The following RAD17 variants were observed in gnomAD, a reference collection of about 807,000 sequenced individuals.
RAD17 encodes RAD17 checkpoint clamp loader component.
A neutral mutation model predicts 81.5 loss-of-function variants in RAD17; 31 were observed. The ratio of observed to expected loss-of-function variants is 0.38; its 90% confidence interval spans 0.29 to 0.51. RAD17 has a LOEUF of 0.51. Ranked by LOEUF, RAD17 falls within the 20% of genes least tolerant of loss-of-function variation. RAD17 has a pLI of 0.88. For synonymous variants in RAD17, 261 were observed against 266.2 expected (o/e 0.98, Z 0.19); for missense variants, 681 against 781.2 (o/e 0.87, Z 1.53).
In RAD17 at chr5:69,413,782, G is replaced by T. The variant is rs187466830; in HGVS notation, c.1752-249G>T. On this transcript the variant is annotated intron_variant, in intron 18 of 18. Coordinates refer to ENST00000354868, the MANE Select transcript of RAD17 (RefSeq NM_133338.3). ...ACTCCTGGCCTCAAGTGATCTGCCT[G>T]CCTTGGCCTCCCACAGTGCAGATAG... Among the ~76,000 whole-genome samples, 4 of 152,338 alleles carry T rather than the reference G, an allele frequency of 2.6e-5. No individual in the cohort carries two copies. The South Asian group carries it at 8.3e-4, about 32-fold the overall frequency.
chr5:69,397,744 C>T (rs1171830104), intron 16 of RAD17, among the ~76,000 whole-genome samples: 4 of 152,198 alleles, frequency 2.6e-5, no homozygotes, highest in South Asian at 2.1e-4. Context: ...GACGGAGCCT[C>T]GCTGGCCAGG....
At chr5:69,396,327 T>G in intron 15 of RAD17, 70 bp from the exon 16 acceptor site, 1 of 1,492,716 alleles carries the variant, frequency 6.7e-7, no homozygotes, top group Non-Finnish European at 9.1e-7. Flanking sequence ...AGTATTTTTG[T>G]ATATATCAGG....
In RAD17 at chr5:69,410,529, C is replaced by T. The variant is rs1250929137; in HGVS notation, c.1730C>T (p.Pro577Leu). ...TTTATCCAAGATATTGGAAGGCTCC[C>T]TCTGAAGCGACACTTTGGAAGGTAA... ...ISFIQDIGRL[P>L]LKRHFGRLKM... Residue 577 changes from proline (P) to leucine (L), a missense_variant, in exon 18 of 19, where the codon CCT (proline) becomes CTT (leucine). Pro to Leu is a moderately conservative substitution (Grantham distance 98). Coordinates refer to ENST00000354868, the MANE Select transcript of RAD17 (RefSeq NM_133338.3). 6.2e-7 allele frequency: 1 copy of T among 1,613,352 alleles called. No homozygotes were observed. Among genetic ancestry groups the T allele is most frequent in the South Asian group, 1.1e-5 (1 of 91,012 alleles).
intron 18 of RAD17, 34 bp downstream of exon 18, chr5:69,410,584 TAATGA>T: frequency 1.3e-6 from 2 of 1,580,706 alleles, no homozygotes; most frequent in East Asian, 2.2e-5. Flanking sequence ...AAAAAGCTGA[TAATGA>T]AATGTCTACT....
At position 69,393,515 on chromosome 5, in the gene RAD17, C is replaced by G; in HGVS notation, c.1422+15C>G. The G allele has an allele frequency of 6.3e-7, 1 of 1,582,158 alleles. No homozygotes were observed. The highest frequency in any genetic ancestry group is 8.6e-7 in the Non-Finnish European group (1 of 1,169,142). On this transcript the variant is annotated intron_variant, in intron 15 of 18. Transcript: ENST00000354868. ...GTGACTGGAATGTAAGACCATTTGACTTAAAATGTTTATGTTTATAGTATT... is the reference window on the plus strand; with the variant it reads ...GTGACTGGAATGTAAGACCATTTGAGTTAAAATGTTTATGTTTATAGTATT...
At chr5:69,373,712 T>TAGTTTTAAAGGTTATAAATA in intron 4 of RAD17, 118 bp from the exon 5 acceptor site, 4 of 373,564 alleles carry the variant, frequency 1.1e-5, no homozygotes, top group Middle Eastern at 9.5e-4. Context: ...TTTTTTTTTT[T>TAGTTTTAAAGGTTATAAATA]TTTTAAGTTT....
intron 7 of RAD17, among the ~76,000 whole-genome samples, chr5:69,382,830 C>T (rs1763939417): frequency 6.6e-6 from 1 of 152,026 alleles, no homozygotes. Context: ...TTTTTTGAGA[C>T]AGAGTCTCAC....
intron 4 of RAD17, 54 bp downstream of exon 4, chr5:69,372,271 A>G (rs1580347652): frequency 4.4e-6 from 6 of 1,371,904 alleles, no homozygotes; most frequent in Admixed American, 1.7e-5. Flanking sequence ...TCCACTGCCG[A>G]TAATATTCCT....
intron 1 of RAD17, chr5:69,370,337 G>A (rs1580340293): frequency 6.6e-6 from 1 of 152,482 alleles, no homozygotes; most frequent in South Asian, 2.1e-4. Flanking sequence ...CGTGACAACA[G>A]TCTGCACCTT....
At chr5:69,409,557 A>G (rs1021231406) in intron 17 of RAD17, among the ~76,000 whole-genome samples, 3 of 152,246 alleles carry the variant, frequency 2.0e-5, no homozygotes, top group Admixed American at 1.3e-4. Flanking sequence ...AGAGACTTCA[A>G]ATGATTGATT....
chr5:69,395,141 A>C (rs1397605140), intron 15 of RAD17, among the ~76,000 whole-genome samples: 1 of 152,256 alleles, frequency 6.6e-6, no homozygotes, highest in Non-Finnish European at 1.5e-5. Context: ...ATTACTCAGC[A>C]GTTGAATTTG....
chr5:69,408,120 G>A (rs760457761), intron 17 of RAD17, among the ~76,000 whole-genome samples: 4 of 152,018 alleles, frequency 2.6e-5, no homozygotes, highest in Non-Finnish European at 4.4e-5. Flanking sequence ...GTGAGCCCTC[G>A]CAAAGGCAGT....
At chr5:69,393,908 G>GTTTTTTTTTTTTT (rs34500104) in intron 15 of RAD17, among the ~76,000 whole-genome samples, 2 of 73,104 alleles carry the variant, frequency 2.7e-5, no homozygotes, top group Admixed American at 2.0e-4. Context: ...TGTTATGGTG[G>GTTTTTTTTTTTTT]TTTTTTTTTT....
chr5:69,396,302 A>C, intron 15 of RAD17, 95 bp from the exon 16 acceptor site: 1 of 1,339,596 alleles, frequency 7.5e-7, no homozygotes, highest in Admixed American at 2.3e-5. Flanking sequence ...GAACACATAG[A>C]AACTAAATAC....
intron 16 of RAD17, among the ~76,000 whole-genome samples, chr5:69,398,344 A>G (rs6450038): frequency 0.48 from 73,069 of 151,520 alleles, 17,651 homozygotes; most frequent in South Asian, 0.54. Context: ...TTGCCTCTAT[A>G]TGGACAAGGT....
chr5:69,384,939 G>T lies in RAD17; in HGVS notation c.645+6G>T. 1 of 1,565,052 alleles carries T rather than the reference G, an allele frequency of 6.4e-7. No individual in the cohort carries two copies. The highest frequency in any genetic ancestry group is 1.2e-5 in the South Asian group (1 of 83,550). On this transcript the variant is annotated splice_donor_region_variant and intron_variant, in intron 8 of 18. Transcript: ENST00000354868. Reference sequence around the variant, plus strand: ...AGAAGATAATTCTGGTTGAAGTAAGGACAACTTTTAAAATCTTTTTTTTTT... The same window carrying T: ...AGAAGATAATTCTGGTTGAAGTAAGTACAACTTTTAAAATCTTTTTTTTTT...
rs544921127 is a variant in RAD17 at position 69,414,372 on chromosome 5, C to T, written c.*80C>T. On this transcript the variant is annotated 3_prime_UTR_variant, in exon 19 of 19. Transcript: ENST00000354868. ...GTGGTACTTCAGCAGAGTTAATATG[C>T]TTTTCTGATGAATTACACAACAGTT... The T allele has an allele frequency of 2.8e-6, 4 of 1,421,244 alleles. No homozygotes were observed. The East Asian group carries it at 9.2e-5, about 33-fold the overall frequency. 88.0% of individuals were successfully genotyped at this position (1,421,244 alleles called of 1,614,324 possible).
rs756435045 is a variant in RAD17 at position 69,369,930 on chromosome 5, G to A, written c.-420G>A. On this transcript the variant is annotated 5_prime_UTR_variant, in exon 1 of 19. Transcript: ENST00000354868. The stretch of plus-strand genomic sequence containing the variant: ...CGCCTAAAAGGGGATGCAGCTCCGG[G>A]AAAGTAAGGCCGCCGCGGTTGCGGC... 1.5e-4 allele frequency: 85 copies of A among 564,928 alleles called. No homozygotes were observed. The highest frequency in any genetic ancestry group is 2.6e-4 in the Non-Finnish European group (82 of 320,216). 35.0% of individuals were successfully genotyped at this position (564,928 alleles called of 1,614,324 possible).
intron 4 of RAD17, among the ~76,000 whole-genome samples, chr5:69,373,248 A>G (rs1450433428): frequency 6.6e-6 from 1 of 152,182 alleles, no homozygotes; most frequent in Non-Finnish European, 1.5e-5. Flanking sequence ...AGTTTAAAAA[A>G]ATCATTCTAG....
Sources: allele counts gnomAD v4.1 joint callset (sites outside exome capture counted in the v4.1 genomes callset), GRCh38; gene constraint gnomAD v4.1.1; transcripts MANE v1.5; gene names NCBI Gene and HGNC (gene_info 2026-07-23, HGNC 2026-07-21).